FAM219A: variants seen among roughly 807,000 people sequenced by gnomAD.
FAM219A encodes the protein family with sequence similarity 219 member A.
Under a neutral mutation model 23.4 loss-of-function variants are expected in FAM219A, and 7 were observed. The observed-to-expected ratio is 0.30, with a 90% confidence interval of 0.17 to 0.56. The LOEUF (loss-of-function observed/expected upper bound fraction) is 0.56, where lower values mean the gene tolerates loss of function less well. Ranked by LOEUF, FAM219A falls within the 20% of genes least tolerant of loss-of-function variation. The pLI is 0.92. For missense variants in FAM219A, 166 were observed against 246.9 expected (o/e 0.67, Z 2.20); for synonymous variants, 93 against 99.0 (o/e 0.94, Z 0.36).
chr9:34,429,734 T>C (rs72735211), intron 1 of FAM219A, among the ~76,000 whole-genome samples: 7,570 of 152,242 alleles, frequency 0.05, 273 homozygotes, highest in Non-Finnish European at 0.065. Flanking sequence ...CTCATGTCAA[T>C]GTCCTTCCCT....
intron 1 of FAM219A, among the ~76,000 whole-genome samples, chr9:34,454,906 C>G (rs1057293144): frequency 3.3e-5 from 5 of 152,118 alleles, no homozygotes; most frequent in Non-Finnish European, 7.4e-5. Flanking sequence ...ATGATGGCGC[C>G]CATGTGACAA....
chr9:34,415,302 G>C (rs1192929789), intron 1 of FAM219A, among the ~76,000 whole-genome samples: 4 of 152,152 alleles, frequency 2.6e-5, no homozygotes, highest in Non-Finnish European at 5.9e-5. Flanking sequence ...AACTGGTCTT[G>C]GGAGTAGCTG....
At chr9:34,438,127 G>C (rs955578885) in intron 1 of FAM219A, among the ~76,000 whole-genome samples, 1 of 152,248 alleles carries the variant, frequency 6.6e-6, no homozygotes, top group Non-Finnish European at 1.5e-5. Context: ...CGGGCGCTGT[G>C]CTCGATTTCT....
At chr9:34,403,029 G>A (rs913929575) in intron 2 of FAM219A, among the ~76,000 whole-genome samples, 5 of 152,084 alleles carry the variant, frequency 3.3e-5, no homozygotes, top group Non-Finnish European at 7.4e-5. Flanking sequence ...GCTGCCCCCT[G>A]TTTTTCAGGA....
At chr9:34,413,844 AG>A (rs1821909172) in intron 1 of FAM219A, among the ~76,000 whole-genome samples, 1 of 152,220 alleles carries the variant, frequency 6.6e-6, no homozygotes, top group Non-Finnish European at 1.5e-5. Context: ...ATGGGAAGTC[AG>A]GGAAGGTGTG....
chr9:34,450,383 T>G (rs1242059588), intron 1 of FAM219A, among the ~76,000 whole-genome samples: 1 of 152,000 alleles, frequency 6.6e-6, no homozygotes, highest in Non-Finnish European at 1.5e-5. Context: ...GAAATATATG[T>G]GGTTCTCACT....
rs894919542 is a variant in FAM219A, at chr9:34,458,125, T to TC, written c.60+78dup. The TC allele has an allele frequency of 2.2e-6, 3 of 1,343,264 alleles. No homozygotes were observed. The highest frequency in any genetic ancestry group is 3.0e-6 in the Non-Finnish European group (3 of 1,008,118). 83.2% of individuals were successfully genotyped at this position (1,343,264 alleles called of 1,614,324 possible). On this transcript the variant is annotated intron_variant, in intron 1 of 5. Transcript: ENST00000651358. This position sits in a 1 kb window ranked among gnomAD's most constrained non-coding sequence, Gnocchi z 6.6. ...CATCCGATGGCGCCCCTCCGCACGA[T>TC]CCCCCCGGCCTGATTCCCTCCCTCC...
chr9:34,421,834 T>C (rs1294097820), intron 1 of FAM219A, among the ~76,000 whole-genome samples: 1 of 152,168 alleles, frequency 6.6e-6, no homozygotes, highest in Non-Finnish European at 1.5e-5. Context: ...ATAGAAATCA[T>C]CTGGGCATAT....
intron 1 of FAM219A, among the ~76,000 whole-genome samples, chr9:34,453,130 C>G (rs181107916): frequency 7.9e-5 from 12 of 152,288 alleles, no homozygotes; most frequent in African/African-American, 2.9e-4. Flanking sequence ...ACTGCTGGGT[C>G]ATGAGCCACA....
In FAM219A at chr9:34,399,924, GGA is replaced by G. The variant is rs1055095301; in HGVS notation, c.*1038_*1039del. 3.3e-5 allele frequency: 5 copies of G among 152,666 alleles called. No homozygotes were observed. The highest frequency in any genetic ancestry group is 1.2e-4 in the African/African-American group (5 of 41,404). The allele number at this position is 152,666 out of a possible 1,614,324, so 9.5% of individuals were successfully genotyped here. On this transcript the variant is annotated 3_prime_UTR_variant, in exon 6 of 6. Coordinates refer to ENST00000651358, the MANE Select transcript of FAM219A (RefSeq NM_001184940.2). ...CACATCTATGACAGGAATAGACTGA[GGA>G]GAGACAGGTCCAACAGAGACACACA...
chr9:34,414,585 C>A (rs1821933694), intron 1 of FAM219A, among the ~76,000 whole-genome samples: 1 of 152,166 alleles, frequency 6.6e-6, no homozygotes, highest in Non-Finnish European at 1.5e-5. Context: ...CAGGGAAAGA[C>A]AAAGACTTCT....
chr9:34,423,308 G>A (rs150805951), intron 1 of FAM219A, among the ~76,000 whole-genome samples: 1 of 152,300 alleles, frequency 6.6e-6, no homozygotes, highest in Non-Finnish European at 1.5e-5. Context: ...CCCACTCTGG[G>A]GAATTAGGGA....
intron 1 of FAM219A, among the ~76,000 whole-genome samples, chr9:34,421,473 C>T (rs533339965): frequency 6.6e-6 from 1 of 152,130 alleles, no homozygotes; most frequent in East Asian, 1.9e-4. Flanking sequence ...CAGTAGAGAG[C>T]CTTTGCCTGC....
Position 34,457,982 on chromosome 9 carries a change from C to T in FAM219A, c.60+222G>A, listed in dbSNP as rs538047990. On this transcript the variant is annotated intron_variant, in intron 1 of 5. Coordinates refer to ENST00000651358, the MANE Select transcript of FAM219A (RefSeq NM_001184940.2). The surrounding 1 kb of genome is among the most constrained non-coding windows in gnomAD (Gnocchi z 5.1). ...CCATCCGACGGTGCCCTGCTTCCAC[C>T]GACGGTGCCCTCCGCCCTTACAGGT... 6.6e-6 allele frequency among the ~76,000 whole-genome samples: 1 copy of T among 152,328 alleles called. No individual in the cohort carries two copies. Among genetic ancestry groups the T allele is most frequent in the South Asian group, 2.1e-4 (1 of 4,830 alleles).
intron 2 of FAM219A, among the ~76,000 whole-genome samples, chr9:34,404,639 C>T (rs745397535): frequency 2.6e-5 from 4 of 152,052 alleles, no homozygotes; most frequent in Non-Finnish European, 5.9e-5. Flanking sequence ...ACCAGGGAAG[C>T]GGAGGTTGCA....
intron 1 of FAM219A, among the ~76,000 whole-genome samples, chr9:34,411,627 A>T (rs1821823474): frequency 6.6e-6 from 1 of 151,468 alleles, no homozygotes; most frequent in Non-Finnish European, 1.5e-5. Context: ...CAGTGAGCCA[A>T]GATTGCACCC....
In FAM219A at chr9:34,417,578, GTTTC is replaced by G. The variant is rs1448360203; in HGVS notation, c.61-11618_61-11615del. Among the ~76,000 whole-genome samples the G allele has an allele frequency of 1.1e-4, 17 of 152,148 alleles. No homozygotes were observed. Among genetic ancestry groups the G allele is most frequent in the Non-Finnish European group, 5.9e-5 (4 of 68,020 alleles). On this transcript the variant is annotated intron_variant, in intron 1 of 5. Transcript: ENST00000651358. The surrounding 1 kb of genome is among the most constrained non-coding windows in gnomAD (Gnocchi z 4.1). ...CAGTAAAAAACATGAGTGCTTTTAAGTTTCTTGATAGATATTGCCAAAATGCTTT... is the reference window on the plus strand; with the variant it reads ...CAGTAAAAAACATGAGTGCTTTTAAGTTGATAGATATTGCCAAAATGCTTT...
At chr9:34,418,087 C>T (rs1362491446) in intron 1 of FAM219A, among the ~76,000 whole-genome samples, 1 of 152,016 alleles carries the variant, frequency 6.6e-6, no homozygotes, top group African/African-American at 2.4e-5. Flanking sequence ...TGGAGTTACC[C>T]CAGCTAGGGC....
chr9:34,444,717 G>A (rs7863906), intron 1 of FAM219A, among the ~76,000 whole-genome samples: 31,069 of 152,138 alleles, frequency 0.2, 3,747 homozygotes, highest in African/African-American at 0.34. Flanking sequence ...CCAGGAGCAC[G>A]TCACTCCTTG....
Sources: gnomAD v4.1 joint callset for allele counts (sites outside exome capture counted in the v4.1 genomes callset) on GRCh38, gnomAD v4.1.1 for gene constraint, Gnocchi (gnomAD v3.1) non-coding constraint, MANE v1.5 for transcripts, NCBI Gene and HGNC (gene_info 2026-07-23, HGNC 2026-07-21) for gene names.